Variants in CCDC192 observed in about 807,000 individuals in gnomAD.
The protein encoded by CCDC192 is coiled-coil domain containing 192.
At chr5:127,799,661 A>G (rs1757373782) in intron 5 of CCDC192, among the ~76,000 whole-genome samples, 1 of 152,180 alleles carries the variant, frequency 6.6e-6, no homozygotes, top group South Asian at 2.1e-4. Context: ...AAAAAGCCAT[A>G]GTTCCTGGTG....
intron 3 of CCDC192, among the ~76,000 whole-genome samples, chr5:127,755,441 A>G (rs901721353): frequency 6.6e-6 from 1 of 152,100 alleles, no homozygotes; most frequent in East Asian, 1.9e-4. Flanking sequence ...TTACTTTGGC[A>G]TGTATTTATT....
intron 2 of CCDC192, among the ~76,000 whole-genome samples, chr5:127,720,929 C>T (rs1037703526): frequency 3.9e-5 from 6 of 152,244 alleles, no homozygotes; most frequent in Non-Finnish European, 1.5e-5. Context: ...TACAGAGCAG[C>T]AGGACCTTGG....
intron 2 of CCDC192, among the ~76,000 whole-genome samples, chr5:127,714,525 A>T (rs965145031): frequency 1.3e-5 from 2 of 152,114 alleles, no homozygotes; most frequent in African/African-American, 2.4e-5. Context: ...AGTACCTGGG[A>T]CTACAGGCAC....
At chr5:127,887,947 C>A (rs572417130) in intron 6 of CCDC192, among the ~76,000 whole-genome samples, 1 of 151,994 alleles carries the variant, frequency 6.6e-6, no homozygotes, top group Non-Finnish European at 1.5e-5. Flanking sequence ...TCGTGATCCA[C>A]CCGCCTCGGC....
chr5:127,883,400 C>T (rs1469108519), intron 6 of CCDC192, among the ~76,000 whole-genome samples: 2 of 152,166 alleles, frequency 1.3e-5, no homozygotes, highest in African/African-American at 4.8e-5. Context: ...TAAAGGTGTA[C>T]TTTCTAAATA....
intron 2 of CCDC192, among the ~76,000 whole-genome samples, chr5:127,724,414 T>C (rs1469736687): frequency 6.6e-6 from 1 of 152,210 alleles, no homozygotes; most frequent in African/African-American, 2.4e-5. Context: ...TTTTGCCTCC[T>C]AATGTGTTTT....
intron 2 of CCDC192, among the ~76,000 whole-genome samples, chr5:127,733,710 C>A (rs1330070203): frequency 6.6e-6 from 1 of 152,058 alleles, no homozygotes; most frequent in African/African-American, 2.4e-5. Context: ...CTGTCACTTT[C>A]CCTGAATCTG....
rs143654896 is a variant in CCDC192 at position 127,850,899 on chromosome 5, G to A, written c.412-24639G>A. Among the ~76,000 whole-genome samples, 731 of 152,304 alleles carry A rather than the reference G, an allele frequency of 4.8e-3. 3 individuals carry two copies. The highest frequency in any genetic ancestry group is 7.7e-3 in the Non-Finnish European group (521 of 68,026). The stretch of plus-strand genomic sequence containing the variant: ...AAGAATCGCTTGAACCCGTGAGGTG[G>A]AGGTTGCGGTGAGCTGAGGCCACAC... On this transcript the variant is annotated intron_variant, in intron 5 of 6. Coordinates refer to ENST00000514853, the MANE Select transcript of CCDC192 (RefSeq NM_001317938.2).
chr5:127,884,672 A>G (rs1448025537), intron 6 of CCDC192, among the ~76,000 whole-genome samples: 1 of 152,294 alleles, frequency 6.6e-6, no homozygotes, highest in Admixed American at 6.5e-5. Context: ...GTGAAGGGCT[A>G]GGGAGTGTTA....
rs117354488 is a variant in CCDC192 at position 127,810,723 on chromosome 5, A to C, written c.411+12561A>C. Among the ~76,000 whole-genome samples, 217 of 152,320 alleles carry C rather than the reference A, an allele frequency of 1.4e-3. 3 individuals carry two copies. The East Asian group carries it at 0.033, about 23-fold the overall frequency. On this transcript the variant is annotated intron_variant, in intron 5 of 6. Transcript: ENST00000514853. Reference sequence around the variant, plus strand: ...AGAATAATAAATGTCCTCACTAATAACCTGACAGTAAACACAGTAATAAGC... The same window carrying C: ...AGAATAATAAATGTCCTCACTAATACCCTGACAGTAAACACAGTAATAAGC...
At chr5:127,847,772 AAGTTTGC>A (rs1750622476) in intron 5 of CCDC192, among the ~76,000 whole-genome samples, 1 of 151,678 alleles carries the variant, frequency 6.6e-6, no homozygotes, top group Non-Finnish European at 1.5e-5. Flanking sequence ...GCGGTGAGCC[AAGTTTGC>A]ACCACTGCAC....
intron 6 of CCDC192, chr5:127,940,543 G>C (rs1754363161): frequency 1.3e-5 from 2 of 152,094 alleles, no homozygotes; most frequent in African/African-American, 2.4e-5. Flanking sequence ...TCTGCCTCCT[G>C]GGTTCACGCC....
At chr5:127,733,990 T>A (rs1458201923) in intron 2 of CCDC192, among the ~76,000 whole-genome samples, 2 of 151,218 alleles carry the variant, frequency 1.3e-5, no homozygotes, top group Non-Finnish European at 2.9e-5. Flanking sequence ...GTTAGTTACA[T>A]ATGTATACAT....
chr5:127,783,660 A>C (rs1756371812), intron 3 of CCDC192, among the ~76,000 whole-genome samples: 1 of 152,150 alleles, frequency 6.6e-6, no homozygotes, highest in African/African-American at 2.4e-5. Flanking sequence ...TATAGCTTAA[A>C]TCCATTGTTT....
At chr5:127,726,889 A>G (rs1029006386) in intron 2 of CCDC192, among the ~76,000 whole-genome samples, 3 of 152,188 alleles carry the variant, frequency 2.0e-5, no homozygotes, top group Non-Finnish European at 4.4e-5. Context: ...CGCTCCACCA[A>G]GGGGCCACCA....
At chr5:127,839,989 C>T (rs1049970807) in intron 5 of CCDC192, among the ~76,000 whole-genome samples, 1 of 152,096 alleles carries the variant, frequency 6.6e-6, no homozygotes, top group Non-Finnish European at 1.5e-5. Flanking sequence ...GTAAAGTTCT[C>T]AGAAGAGCAT....
At chr5:127,938,162 T>C (rs1168569116) in intron 6 of CCDC192, among the ~76,000 whole-genome samples, 1 of 152,158 alleles carries the variant, frequency 6.6e-6, no homozygotes, top group Non-Finnish European at 1.5e-5. Flanking sequence ...AAGGAGTAGC[T>C]TAGGGACTGA....
At chr5:127,838,022 C>T (rs1477317634) in intron 5 of CCDC192, among the ~76,000 whole-genome samples, 2 of 152,114 alleles carry the variant, frequency 1.3e-5, no homozygotes, top group Non-Finnish European at 2.9e-5. Context: ...AGGCCAGATT[C>T]CATAACATAG....
At chr5:127,885,014 C>G (rs571027418) in intron 6 of CCDC192, among the ~76,000 whole-genome samples, 9 of 152,278 alleles carry the variant, frequency 5.9e-5, no homozygotes, top group African/African-American at 1.9e-4. Context: ...GGTCCCCTCC[C>G]TCCTTTGTTT....
Sources: gnomAD v4.1 joint callset for allele counts (sites outside exome capture counted in the v4.1 genomes callset) on GRCh38, gnomAD v4.1.1 for gene constraint, MANE v1.5 for transcripts, NCBI Gene and HGNC (gene_info 2026-07-23, HGNC 2026-07-21) for gene names.